The following MCUB variants were observed in gnomAD, a reference collection of about 807,000 sequenced individuals.
The protein encoded by MCUB is calcium uniporter regulatory subunit MCUb, mitochondrial.
Under a neutral mutation model 41.4 loss-of-function variants are expected in MCUB, and 46 were observed. That is an observed-to-expected ratio of 1.11 (90% CI 0.88 to 1.42). MCUB has a LOEUF of 1.42. Ranked by LOEUF, MCUB falls within the 40% of genes most tolerant of loss-of-function variation. The probability of loss-of-function intolerance (pLI) is 0.00; values close to 1 mark genes in which losing one functional copy is unlikely to be tolerated. For missense variants in MCUB, 403 were observed against 404.9 expected, an observed-to-expected ratio of 1.00 and a Z score of 0.04; for synonymous variants, 148 against 148.2, an observed-to-expected ratio of 1.00 and a Z score of 0.01.
At chr4:109,599,223 G>T (rs1727669003) in intron 1 of MCUB, among the ~76,000 whole-genome samples, 1 of 152,110 alleles carries the variant, frequency 6.6e-6, no homozygotes, top group Non-Finnish European at 1.5e-5. Flanking sequence ...GCTTAGGTTT[G>T]AATATCAAAT....
intron 1 of MCUB, among the ~76,000 whole-genome samples, chr4:109,632,058 G>A (rs748404809): frequency 5.9e-5 from 9 of 152,116 alleles, no homozygotes; most frequent in Non-Finnish European, 1.3e-4. Flanking sequence ...GAAGAGGTCC[G>A]AATCTCAGCC....
At chr4:109,686,577 T>G (rs1050043750) in intron 7 of MCUB, among the ~76,000 whole-genome samples, 2 of 152,244 alleles carry the variant, frequency 1.3e-5, no homozygotes, top group Non-Finnish European at 2.9e-5. Flanking sequence ...TTCAGCTAGT[T>G]TACAAGACAG....
At chr4:109,663,408 A>C (rs1248099925) in intron 3 of MCUB, among the ~76,000 whole-genome samples, 1 of 152,242 alleles carries the variant, frequency 6.6e-6, no homozygotes, top group African/African-American at 2.4e-5. Flanking sequence ...TTGTGGTTAA[A>C]ATTTTTCAAG....
chr4:109,684,356 C>T (rs1454389931), intron 5 of MCUB, 87 bp from the exon 6 acceptor site: 2 of 1,104,822 alleles, frequency 1.8e-6, no homozygotes, highest in Non-Finnish European at 2.6e-6. Flanking sequence ...GCCACCGCGC[C>T]CGGCAAGAGT....
rs145149442 is a variant in MCUB at position 109,653,152 on chromosome 4, G to A, written c.100-5859G>A. On this transcript the variant is annotated intron_variant, in intron 1 of 7. Coordinates refer to ENST00000394650, the MANE Select transcript of MCUB (RefSeq NM_017918.5). Reference sequence around the variant, plus strand: ...AGCACTTTGGGAGGCTGAGGCGGGCGGATCGCGAGGTTAGGAGTTCAAGAC... The same window carrying A: ...AGCACTTTGGGAGGCTGAGGCGGGCAGATCGCGAGGTTAGGAGTTCAAGAC... Among the ~76,000 whole-genome samples the A allele has an allele frequency of 1.4e-3, 212 of 152,192 alleles. 5 individuals carry two copies. Among genetic ancestry groups the A allele is most frequent in the African/African-American group, 4.4e-3 (183 of 41,524 alleles).
At chr4:109,658,596 C>T (rs544972978) in intron 1 of MCUB, among the ~76,000 whole-genome samples, 37 of 152,278 alleles carry the variant, frequency 2.4e-4, no homozygotes, top group Non-Finnish European at 4.7e-4. Context: ...CATGCCCGGC[C>T]CGATTCTGCA....
At chr4:109,579,804 AT>A (rs1447706990) in intron 1 of MCUB, among the ~76,000 whole-genome samples, 4 of 152,234 alleles carry the variant, frequency 2.6e-5, no homozygotes, top group African/African-American at 7.2e-5. Flanking sequence ...TAAAAATGAT[AT>A]TTAAAGTCTG....
chr4:109,636,078 A>G (rs1383617260), intron 1 of MCUB, among the ~76,000 whole-genome samples: 3 of 152,186 alleles, frequency 2.0e-5, no homozygotes, highest in South Asian at 2.1e-4. Context: ...CTTAGTCTCA[A>G]TCTAATTCCG....
In MCUB at chr4:109,579,439, G is replaced by A. The variant is rs149613979; in HGVS notation, c.99+19003G>A. Among the ~76,000 whole-genome samples, 417 of 152,060 alleles carry A rather than the reference G, an allele frequency of 2.7e-3. 1 individual carries two copies. The highest frequency in any genetic ancestry group is 9.4e-3 in the African/African-American group (391 of 41,462). ...TAATTTTTGTATTTTTAGTAGAGAC[G>A]GGGTTTCAACATGTTGGCCAAGATG... On this transcript the variant is annotated intron_variant, in intron 1 of 7. Coordinates refer to ENST00000394650, the MANE Select transcript of MCUB (RefSeq NM_017918.5).
chr4:109,569,613 C>G (rs1176762265), intron 1 of MCUB, among the ~76,000 whole-genome samples: 1 of 148,990 alleles, frequency 6.7e-6, no homozygotes, highest in Non-Finnish European at 1.5e-5. Context: ...AAACGATTCT[C>G]CTGCCTCAGC....
At chr4:109,670,931 T>G (rs1729441974) in intron 4 of MCUB, among the ~76,000 whole-genome samples, 1 of 152,172 alleles carries the variant, frequency 6.6e-6, no homozygotes, top group South Asian at 2.1e-4. Context: ...TTGTCCACGC[T>G]GAGCCTCCAG....
intron 4 of MCUB, among the ~76,000 whole-genome samples, chr4:109,672,060 C>A (rs1176968606): frequency 6.6e-6 from 1 of 151,824 alleles, no homozygotes; most frequent in Non-Finnish European, 1.5e-5. Flanking sequence ...AGGAATCATT[C>A]TATAATCTTA....
intron 4 of MCUB, among the ~76,000 whole-genome samples, chr4:109,673,405 G>C (rs1306925745): frequency 6.6e-6 from 1 of 152,202 alleles, no homozygotes; most frequent in Non-Finnish European, 1.5e-5. Flanking sequence ...CTTGCTGCTG[G>C]AAGGGCTGTG....
intron 1 of MCUB, among the ~76,000 whole-genome samples, chr4:109,586,985 C>A (rs1037549645): frequency 6.6e-6 from 1 of 152,242 alleles, no homozygotes. Flanking sequence ...CTACTGCTCT[C>A]TTCAGAGCTG....
intron 1 of MCUB, among the ~76,000 whole-genome samples, chr4:109,654,049 AT>A (rs1253241164): frequency 2.6e-5 from 4 of 152,222 alleles, no homozygotes; most frequent in Non-Finnish European, 4.4e-5. Context: ...AATATAATTT[AT>A]GTTAACATCA....
intron 1 of MCUB, among the ~76,000 whole-genome samples, chr4:109,570,354 C>T (rs1417482411): frequency 6.6e-6 from 1 of 152,188 alleles, no homozygotes; most frequent in East Asian, 1.9e-4. Flanking sequence ...AGTACAGGTA[C>T]TTGTCCTAGT....
At chr4:109,669,024 G>A (rs2126147142) in intron 4 of MCUB, among the ~76,000 whole-genome samples, 1 of 151,994 alleles carries the variant, frequency 6.6e-6, no homozygotes, top group East Asian at 1.9e-4. Context: ...CAAAACCAGT[G>A]TTAGCATTAT....
intron 1 of MCUB, among the ~76,000 whole-genome samples, chr4:109,632,411 C>T (rs534334993): frequency 1.3e-5 from 2 of 152,146 alleles, no homozygotes; most frequent in South Asian, 4.2e-4. Flanking sequence ...TTTATTGTTG[C>T]ATAACAAATC....
chr4:109,660,413 T>C, intron 3 of MCUB, 48 bp downstream of exon 3: 2 of 1,075,616 alleles, frequency 1.9e-6, no homozygotes, highest in African/African-American at 1.6e-5. Flanking sequence ...TTTCTGTCTC[T>C]CCTGAACTTT....
Sources: gnomAD v4.1 joint callset for allele counts (sites outside exome capture counted in the v4.1 genomes callset) on GRCh38, gnomAD v4.1.1 for gene constraint, MANE v1.5 for transcripts, NCBI Gene and HGNC (gene_info 2026-07-23, HGNC 2026-07-21) for gene names.